The following ITFG1 variants were observed in gnomAD, a reference collection of about 807,000 sequenced individuals.
ITFG1 encodes T-cell immunomodulatory protein.
ITFG1 carries 34 observed loss-of-function variants against 81.8 expected under a neutral mutation model. That is an observed-to-expected ratio of 0.42 (90% CI 0.32 to 0.55). ITFG1 has a LOEUF of 0.55. Ranked by LOEUF, ITFG1 falls within the 20% of genes least tolerant of loss-of-function variation. The pLI, the probability that ITFG1 is intolerant of heterozygous loss-of-function variation, is 0.17. For synonymous variants in ITFG1, 285 were observed against 270.6 expected, an observed-to-expected ratio of 1.05 and a Z score of -0.52; for missense variants, 672 against 755.4, an observed-to-expected ratio of 0.89 and a Z score of 1.29.
chr16:47,240,220 C>T (rs564809053), intron 12 of ITFG1, among the ~76,000 whole-genome samples: 9 of 145,954 alleles, frequency 6.2e-5, no homozygotes, highest in South Asian at 2.2e-4. Context: ...TCACTTGAGC[C>T]GGGAAGCAGA....
At chr16:47,331,760 A>G (rs1967640285) in intron 8 of ITFG1, among the ~76,000 whole-genome samples, 1 of 152,196 alleles carries the variant, frequency 6.6e-6, no homozygotes, top group African/African-American at 2.4e-5. Flanking sequence ...CAGTCTCGTC[A>G]TGCTAATTTT....
intron 14 of ITFG1, among the ~76,000 whole-genome samples, chr16:47,189,463 ATGTGGCCT>A (rs1182888052): frequency 9.2e-5 from 14 of 152,194 alleles, no homozygotes; most frequent in Non-Finnish European, 1.9e-4. Flanking sequence ...GTTGGACAAT[ATGTGGCCT>A]TTTGTGTCTG....
At chr16:47,336,750 G>A (rs1481940415) in intron 8 of ITFG1, among the ~76,000 whole-genome samples, 1 of 151,714 alleles carries the variant, frequency 6.6e-6, no homozygotes, top group African/African-American at 2.4e-5. Flanking sequence ...GTCACCTGAG[G>A]TCAGGAGTTC....
chr16:47,165,388 T>C (rs1159577384), intron 14 of ITFG1, among the ~76,000 whole-genome samples: 1 of 152,214 alleles, frequency 6.6e-6, no homozygotes, highest in Non-Finnish European at 1.5e-5. Flanking sequence ...GCATTAACAA[T>C]GTGTATGAAA....
At chr16:47,222,769 A>G (rs896860370) in intron 13 of ITFG1, among the ~76,000 whole-genome samples, 8 of 152,170 alleles carry the variant, frequency 5.3e-5, no homozygotes, top group African/African-American at 9.7e-5. Flanking sequence ...TCTGAGAGAT[A>G]AGTTTGTTAT....
At chr16:47,327,055 C>T (rs1439794800) in intron 8 of ITFG1, among the ~76,000 whole-genome samples, 8 of 152,146 alleles carry the variant, frequency 5.3e-5, no homozygotes, top group East Asian at 1.9e-4. Context: ...GGAGGCATCA[C>T]GCTACCTGAC....
intron 10 of ITFG1, among the ~76,000 whole-genome samples, chr16:47,292,045 G>A (rs377406790): frequency 7.3e-5 from 11 of 149,910 alleles, no homozygotes; most frequent in African/African-American, 1.5e-4. Context: ...ATGGAGTTTC[G>A]CTCTTTCGTC....
At chr16:47,189,329 C>CA (rs1345662960) in intron 14 of ITFG1, among the ~76,000 whole-genome samples, 2 of 151,894 alleles carry the variant, frequency 1.3e-5, no homozygotes, top group Admixed American at 1.3e-4. Context: ...TTCATTACCA[C>CA]AAAAAAAACC....
chr16:47,318,488 A>G (rs1967399993), intron 8 of ITFG1, among the ~76,000 whole-genome samples: 1 of 152,190 alleles, frequency 6.6e-6, no homozygotes, highest in Non-Finnish European at 1.5e-5. Context: ...TTATATCTGT[A>G]GTATAAATTC....
At chr16:47,395,577 T>G (rs1421847891) in intron 6 of ITFG1, among the ~76,000 whole-genome samples, 1 of 152,228 alleles carries the variant, frequency 6.6e-6, no homozygotes, top group Non-Finnish European at 1.5e-5. Flanking sequence ...CAATTATGAT[T>G]GAAAGCAATC....
chr16:47,192,100 G>A (rs1207962316), intron 14 of ITFG1, among the ~76,000 whole-genome samples: 1 of 152,168 alleles, frequency 6.6e-6, no homozygotes, highest in Non-Finnish European at 1.5e-5. Flanking sequence ...TAAATTCCCT[G>A]TCTCTATAAT....
intron 14 of ITFG1, among the ~76,000 whole-genome samples, chr16:47,180,955 C>T (rs368004651): frequency 4.7e-5 from 7 of 148,710 alleles, no homozygotes; most frequent in Admixed American, 3.3e-4. Context: ...TCTGCCCGGC[C>T]GCCCATCATC....
rs1376848352 is a variant in ITFG1 at position 47,461,050 on chromosome 16, G to A, written c.-5C>T. ...GAGCCGGCCCGCCGCCGCCATGGCA[G>A]CCCCTCAGCCCCCGCCCGCCGGCCC... On this transcript the variant is annotated 5_prime_UTR_variant, in exon 1 of 18. Coordinates refer to ENST00000320640, the MANE Select transcript of ITFG1 (RefSeq NM_030790.5). The A allele has an allele frequency of 3.3e-6, 5 of 1,531,754 alleles. No homozygotes were observed. The allele number at this position is 1,531,754 out of a possible 1,614,324, so 94.9% of individuals were successfully genotyped here.
rs1052739364 is a variant in ITFG1 at position 47,461,052 on chromosome 16, C to T, written c.-7G>A. 3.3e-6 allele frequency: 5 copies of T among 1,530,880 alleles called. No individual in the cohort carries two copies. The highest frequency in any genetic ancestry group is 2.8e-5 in the African/African-American group (2 of 72,514). The allele number at this position is 1,530,880 out of a possible 1,614,324, so 94.8% of individuals were successfully genotyped here. A position where few individuals can be genotyped will look rare whatever the true frequency, so the allele number is the denominator to read the frequency against. ...GCCGGCCCGCCGCCGCCATGGCAGC[C>T]CCTCAGCCCCCGCCCGCCGGCCCAA... On this transcript the variant is annotated 5_prime_UTR_variant, in exon 1 of 18. Coordinates refer to ENST00000320640, the MANE Select transcript of ITFG1 (RefSeq NM_030790.5).
chr16:47,280,216 T>C (rs1373779273), intron 10 of ITFG1, among the ~76,000 whole-genome samples: 3 of 152,186 alleles, frequency 2.0e-5, no homozygotes, highest in Non-Finnish European at 4.4e-5. Flanking sequence ...AGCATTACTT[T>C]TACTTTCACC....
rs568315751 is a variant in ITFG1 at position 47,183,120 on chromosome 16, G to C, written c.1454-20456C>G. Among the ~76,000 whole-genome samples the C allele has an allele frequency of 7.7e-4, 118 of 152,368 alleles. 1 individual carries two copies. Among genetic ancestry groups the C allele is most frequent in the South Asian group, 2.3e-3 (11 of 4,830 alleles). The stretch of plus-strand genomic sequence containing the variant: ...CCGCATCTGGCTCGCACCTGGCTTG[G>C]AGGGTCCTACGCCCACGGAGTCTCG... On this transcript the variant is annotated intron_variant, in intron 14 of 17. Coordinates refer to ENST00000320640, the MANE Select transcript of ITFG1 (RefSeq NM_030790.5).
At chr16:47,328,438 T>C (rs1967591340) in intron 8 of ITFG1, among the ~76,000 whole-genome samples, 2 of 151,978 alleles carry the variant, frequency 1.3e-5, no homozygotes, top group Admixed American at 6.6e-5. Flanking sequence ...AACCTGCACA[T>C]TGTGCATATG....
intron 6 of ITFG1, among the ~76,000 whole-genome samples, chr16:47,414,747 T>C (rs539710264): frequency 6.6e-6 from 1 of 152,340 alleles, no homozygotes; most frequent in Admixed American, 6.5e-5. Context: ...ATGAAGATAG[T>C]AGTTGCCTCT....
chr16:47,400,291 A>G (rs1467856148), intron 6 of ITFG1, among the ~76,000 whole-genome samples: 1 of 152,190 alleles, frequency 6.6e-6, no homozygotes, highest in Non-Finnish European at 1.5e-5. Flanking sequence ...TGGGAGGCCA[A>G]GGTGGGGGAA....
Sources: allele counts gnomAD v4.1 joint callset (sites outside exome capture counted in the v4.1 genomes callset), GRCh38; gene constraint gnomAD v4.1.1; transcripts MANE v1.5; gene names NCBI Gene and HGNC (gene_info 2026-07-23, HGNC 2026-07-21).